Variants in KIF17 observed in about 807,000 individuals in gnomAD.
The protein encoded by KIF17 is kinesin-like protein KIF17.
Under a neutral mutation model 96.8 loss-of-function variants are expected in KIF17, and 80 were observed. The ratio of observed to expected loss-of-function variants is 0.83; its 90% CI spans 0.69 to 1.00. The LOEUF (loss-of-function observed/expected upper bound fraction) is 1.00. Ranked by LOEUF, KIF17 falls within the 50% of genes least tolerant of loss-of-function variation. KIF17 has a pLI of 0.00. For synonymous variants in KIF17, 567 were observed against 587.5 expected, an observed-to-expected ratio of 0.97 and a Z score of 0.51; for missense variants, 1,280 against 1,372.9, an observed-to-expected ratio of 0.93 and a Z score of 1.07.
rs1016252284 is a variant in KIF17, at chr1:20,685,723, G to A, written c.2019+323C>T. ...ATTGGGTTCCCCGATGGTGTCATAG[G>A]GGCCACCAGCCCTGACCTGCAGCCC... On this transcript the variant is annotated intron_variant, in intron 9 of 14. Transcript: ENST00000400463. This position sits in a 1 kb window ranked among gnomAD's most constrained non-coding sequence, Gnocchi z 4.1. Among the ~76,000 whole-genome samples, 1 of 152,142 alleles carries A rather than the reference G, an allele frequency of 6.6e-6. No homozygotes were observed. The highest frequency in any genetic ancestry group is 2.4e-5 in the African/African-American group (1 of 41,414).
chr1:20,715,292 A>G (rs1039626872), intron 2 of KIF17, among the ~76,000 whole-genome samples: 1 of 152,226 alleles, frequency 6.6e-6, no homozygotes, highest in African/African-American at 2.4e-5. Flanking sequence ...GAAGGCAAAA[A>G]TGGTGAGAGA....
intron 6 of KIF17, among the ~76,000 whole-genome samples, chr1:20,691,909 AAT>A (rs1443573274): frequency 2.0e-5 from 3 of 152,124 alleles, no homozygotes; most frequent in African/African-American, 7.2e-5. Context: ...TCAATGACAA[AAT>A]ATGTTTTTAT....
chr1:20,671,946 AG>A lies in KIF17; in HGVS notation c.2713del (p.Leu905SerfsTer3). The A allele has an allele frequency of 6.2e-7, 1 of 1,613,456 alleles. No homozygotes were observed. On this transcript the variant is annotated frameshift_variant, in exon 12 of 15. Transcript: ENST00000400463. LOFTEE classifies it high-confidence loss of function. Reference protein sequence around the residue: ...IPHPVITKTSLPVVSTGPQNK... With the variant: ...IPHPVITKTSXPVVSTGPQNK... ...CCAGCCAAGCTCCTGACCTACTGGG[AG>A]GCTGGTTTTTGTGATGACGGGATGT...
At chr1:20,696,097 G>C (rs967386745) in intron 6 of KIF17, among the ~76,000 whole-genome samples, 1 of 152,266 alleles carries the variant, frequency 6.6e-6, no homozygotes, top group Non-Finnish European at 1.5e-5. Flanking sequence ...ACCTGCCCAA[G>C]GTCACAGAGC....
intron 3 of KIF17, among the ~76,000 whole-genome samples, chr1:20,711,644 T>C (rs545316308): frequency 6.6e-5 from 10 of 152,218 alleles, no homozygotes; most frequent in African/African-American, 2.2e-4. Context: ...GATCAGGCAG[T>C]TCAGGGCTGG....
At chr1:20,716,501 C>T (rs2054580543) in intron 1 of KIF17, among the ~76,000 whole-genome samples, 1 of 152,186 alleles carries the variant, frequency 6.6e-6, no homozygotes. Flanking sequence ...GAAGCGAAAA[C>T]AGGATGGCAC....
rs1489309276 is a variant in KIF17 at position 20,699,223 on chromosome 1, A to G, written c.1124-735T>C. On this transcript the variant is annotated intron_variant, in intron 5 of 14. Transcript: ENST00000400463. This position sits in a 1 kb window ranked among gnomAD's most constrained non-coding sequence, Gnocchi z 4.3. Reference sequence around the variant, plus strand: ...CTCGGCCTGCGAAAGTGCTGGGATTACAGGGGTGAGCTGCCTTGCCCGGCC... The same window carrying G: ...CTCGGCCTGCGAAAGTGCTGGGATTGCAGGGGTGAGCTGCCTTGCCCGGCC... Among the ~76,000 whole-genome samples the G allele has an allele frequency of 2.0e-5, 3 of 152,166 alleles. No individual in the cohort carries two copies. Among genetic ancestry groups the G allele is most frequent in the Non-Finnish European group, 4.4e-5 (3 of 68,028 alleles).
At chr1:20,665,578 T>G (rs2053513523) in intron 14 of KIF17, among the ~76,000 whole-genome samples, 3 of 151,880 alleles carry the variant, frequency 2.0e-5, no homozygotes, top group Non-Finnish European at 4.4e-5. Flanking sequence ...TTTTTGTATT[T>G]TTAGTAGAGA....
chr1:20,671,806 G>A (rs1053037566), intron 12 of KIF17, 132 bp downstream of exon 12: 24 of 1,095,132 alleles, frequency 2.2e-5, no homozygotes, highest in South Asian at 5.8e-5. Context: ...GAGTCCTGAC[G>A]CATCAGGTAC....
chr1:20,663,281 C>T (rs1011708926), downstream of KIF17, among the ~76,000 whole-genome samples: 2 of 152,152 alleles, frequency 1.3e-5, no homozygotes, highest in African/African-American at 4.8e-5. Context: ...TGACTCAGGA[C>T]GTACTGCTGC....
At position 20,704,451 on chromosome 1, in the gene KIF17, C is replaced by T. The variant is rs780682708; in HGVS notation, c.1119G>A (p.Leu373=). The part of the protein sequence containing the change: ...ILTQQMSPSS[L]SALLSRQVPP... ...ACTACCCCAACGTGGTCCCACCTGA[C>T]AGGCTGCTGGGGCTCATCTGCTGTG... The change falls in exon 5 of 15, where the codon CTG becomes CTA. Residue 373 remains leucine, a synonymous_variant. Transcript: ENST00000400463. The surrounding 1 kb of genome is among the most constrained non-coding windows in gnomAD (Gnocchi z 6.8). 1.9e-6 allele frequency: 3 copies of T among 1,613,822 alleles called. No homozygotes were observed. The highest frequency in any genetic ancestry group is 1.6e-4 in the Middle Eastern group (1 of 6,062).
At chr1:20,689,322 G>A (rs1300221099) in intron 7 of KIF17, among the ~76,000 whole-genome samples, 1 of 152,154 alleles carries the variant, frequency 6.6e-6, no homozygotes, top group East Asian at 1.9e-4. Context: ...GACTGACACT[G>A]GTATGGCAGA....
chr1:20,707,762 CA>C (rs1181710621), intron 4 of KIF17, among the ~76,000 whole-genome samples: 13 of 103,244 alleles, frequency 1.3e-4, no homozygotes, highest in East Asian at 2.8e-4. Context: ...AGAGCTGTCT[CA>C]AAAAAAAAAA....
chr1:20,685,380 G>A lies in KIF17; in HGVS notation c.2020-360C>T. 1 of 430,144 alleles carries A rather than the reference G, an allele frequency of 2.3e-6. No individual in the cohort carries two copies. The highest frequency in any genetic ancestry group is 4.5e-6 in the Non-Finnish European group (1 of 222,786). 26.6% of individuals were successfully genotyped at this position (430,144 alleles called of 1,614,324 possible). ...GGAAAGTCCACTTTCCTCCCTGCCG[G>A]CTCCCTGCCTCCACGGCCTCCCCCG... On this transcript the variant is annotated intron_variant, in intron 9 of 14. Transcript: ENST00000400463. This position sits in a 1 kb window ranked among gnomAD's most constrained non-coding sequence, Gnocchi z 4.1.
At chr1:20,668,087 G>C in intron 13 of KIF17, among the ~76,000 whole-genome samples, 1 of 151,906 alleles carries the variant, frequency 6.6e-6, no homozygotes, top group East Asian at 1.9e-4. Context: ...AAGGTGGGCA[G>C]ATCACGAGGT....
At chr1:20,679,405 A>G (rs1238974480) in intron 11 of KIF17, among the ~76,000 whole-genome samples, 1 of 152,198 alleles carries the variant, frequency 6.6e-6, no homozygotes, top group East Asian at 1.9e-4. Context: ...TCTTGAGCCC[A>G]GGAGGTCAAG....
chr1:20,690,608 G>C (rs375324716), intron 6 of KIF17, among the ~76,000 whole-genome samples: 2 of 150,330 alleles, frequency 1.3e-5, no homozygotes, highest in Non-Finnish European at 3.0e-5. Context: ...TTCCAGCCTC[G>C]AACTCCCAGG....
intron 5 of KIF17, among the ~76,000 whole-genome samples, chr1:20,701,502 G>A (rs1193246699): frequency 6.6e-6 from 1 of 152,204 alleles, no homozygotes; most frequent in African/African-American, 2.4e-5. Flanking sequence ...GAATGCAGAG[G>A]TGGTGATAAC....
chr1:20,707,762 C>CA lies in KIF17; in HGVS notation c.670+1876dup, dbSNP rs1181710621. On this transcript the variant is annotated intron_variant, in intron 4 of 14. Transcript: ENST00000400463. ...TCCAGCCTGGGCAACAGAGCTGTCT[C>CA]AAAAAAAAAAACAAACCAATGTGTA... Among the ~76,000 whole-genome samples, 809 of 103,232 alleles carry CA rather than the reference C, an allele frequency of 7.8e-3. 4 individuals carry two copies. The highest frequency in any genetic ancestry group is 0.027 in the African/African-American group (655 of 23,930). 67.7% of individuals were successfully genotyped at this position (103,232 alleles called of 152,430 possible). A position where few individuals can be genotyped will look rare whatever the true frequency, so the allele number is the denominator to read the frequency against.
Sources: allele counts gnomAD v4.1 joint callset (sites outside exome capture counted in the v4.1 genomes callset), GRCh38; gene constraint gnomAD v4.1.1; non-coding constraint Gnocchi (gnomAD v3.1); transcripts MANE v1.5; gene names NCBI Gene and HGNC (gene_info 2026-07-23, HGNC 2026-07-21).